The following CFH variants were observed in gnomAD, a reference collection of about 807,000 sequenced individuals.
CFH encodes the protein complement factor H, also known as H factor 1 (complement).
A neutral mutation model predicts 147.3 loss-of-function variants in CFH; 53 were observed. That is an observed-to-expected ratio of 0.36 (90% CI 0.29 to 0.45). The LOEUF is 0.45. Ranked by LOEUF, CFH falls within the 20% of genes least tolerant of loss-of-function variation. The pLI, the probability that CFH is intolerant of heterozygous loss-of-function variation, is 1.00. For synonymous variants in CFH, 536 were observed against 489.4 expected, an observed-to-expected ratio of 1.10 and a Z score of -1.26; for missense variants, 1,380 against 1,498.0, an observed-to-expected ratio of 0.92 and a Z score of 1.30.
chr1:196,738,422 G>A (rs1652661892), intron 17 of CFH, among the ~76,000 whole-genome samples: 2 of 152,210 alleles, frequency 1.3e-5, no homozygotes, highest in Non-Finnish European at 2.9e-5. Context: ...TTATGAGCCT[G>A]TAAAATCAAA....
chr1:196,713,671 C>T, intron 9 of CFH, 64 bp from the exon 10 acceptor site: 3 of 1,054,196 alleles, frequency 2.8e-6, no homozygotes, highest in Non-Finnish European at 4.2e-6. Context: ...TTACATATTA[C>T]TTAAATTCTT....
At chr1:196,718,141 C>T (rs1573058026) in intron 11 of CFH, among the ~76,000 whole-genome samples, 1 of 152,068 alleles carries the variant, frequency 6.6e-6, no homozygotes, top group Non-Finnish European at 1.5e-5. Context: ...AAACACCTAT[C>T]ATAGGACAGG....
In CFH at chr1:196,683,947, T is replaced by C. The variant is rs533665689; in HGVS notation, c.791-1117T>C. 3.3e-5 allele frequency among the ~76,000 whole-genome samples: 5 copies of C among 152,018 alleles called. No individual in the cohort carries two copies. In the East Asian group the frequency reaches 5.8e-4, roughly 18 times the overall value. On this transcript the variant is annotated intron_variant, in intron 6 of 21. Coordinates refer to ENST00000367429, the MANE Select transcript of CFH (RefSeq NM_000186.4). The stretch of plus-strand genomic sequence containing the variant: ...GGGTATATAAATGGATTTCAAGCAA[T>C]GCTGAATGTTTGCCACAGCTTTTTA...
intron 18 of CFH, chr1:196,741,400 G>C: frequency 5.5e-6 from 1 of 180,186 alleles, no homozygotes; most frequent in Non-Finnish European, 1.2e-5. Context: ...GTGAGTGAAG[G>C]AGGAACTTCT....
chr1:196,746,143 T>C, intron 21 of CFH, 144 bp downstream of exon 21: 1 of 1,485,126 alleles, frequency 6.7e-7, no homozygotes, highest in South Asian at 1.2e-5. Flanking sequence ...GAAAGTAAAG[T>C]TTAGAAATTT....
In CFH at chr1:196,741,948, G is replaced by A. The variant is rs1290292015; in HGVS notation, c.3030G>A (p.Ala1010=). The A allele has an allele frequency of 9.3e-6, 15 of 1,614,130 alleles. No individual in the cohort carries two copies. Among genetic ancestry groups the A allele is most frequent in the Middle Eastern group, 1.6e-4 (1 of 6,062 alleles). The change falls in exon 19 of 22, where the codon GCG becomes GCA. Residue 1010 remains alanine, a synonymous_variant. Transcript: ENST00000367429. ...PMGEKKDVYK[A]GEQVTYTCAT... ...GAGAGAAGAAGGATGTGTATAAGGC[G>A]GGTGAGCAAGTGACTTACACTTGTG...
Position 196,695,099 on chromosome 1 carries a change from C to A in CFH, c.1336+4860C>A, listed in dbSNP as rs548292533. On this transcript the variant is annotated intron_variant, in intron 9 of 21. Coordinates refer to ENST00000367429, the MANE Select transcript of CFH (RefSeq NM_000186.4). ...TTGCCCATGCCTATGTCCTGAATAACCTACTGCCTAGGTTTTTTTCTATGG... is the reference window on the plus strand; with the variant it reads ...TTGCCCATGCCTATGTCCTGAATAAACTACTGCCTAGGTTTTTTTCTATGG... Among the ~76,000 whole-genome samples, 57 of 151,716 alleles carry A rather than the reference C, an allele frequency of 3.8e-4. No homozygotes were observed. In the South Asian group the frequency reaches 5.6e-3, roughly 15 times the overall value.
At chr1:196,693,698 T>A (rs534058016) in intron 9 of CFH, among the ~76,000 whole-genome samples, 47 of 152,196 alleles carry the variant, frequency 3.1e-4, no homozygotes, top group South Asian at 1.7e-3. Context: ...AAGAAAGTAT[T>A]CAGGCTCTGG....
At chr1:196,697,688 A>G (rs1001744414) in intron 9 of CFH, among the ~76,000 whole-genome samples, 5 of 152,162 alleles carry the variant, frequency 3.3e-5, no homozygotes, top group African/African-American at 1.2e-4. Context: ...TCATGCTGCT[A>G]TAAAGACACA....
At position 196,745,799 on chromosome 1, in the gene CFH, T is replaced by G. The variant is rs759714951; in HGVS notation, c.3311-18T>G. 1.2e-5 allele frequency: 20 copies of G among 1,614,002 alleles called. No individual in the cohort carries two copies. The South Asian group carries it at 1.5e-4, about 12-fold the overall frequency. On this transcript the variant is annotated intron_variant, in intron 20 of 21. Transcript: ENST00000367429. ...TTTGCTCTCACAACAAATCAAGTGA[T>G]GAAATGATGTTTTTTAGATTCTACA...
At chr1:196,723,126 G>A (rs1210894116) in intron 11 of CFH, among the ~76,000 whole-genome samples, 1 of 152,006 alleles carries the variant, frequency 6.6e-6, no homozygotes, top group Non-Finnish European at 1.5e-5. Flanking sequence ...GATCCTTTGC[G>A]AGTGTTGTAA....
At chr1:196,666,675 G>T (rs1479473097) in intron 1 of CFH, among the ~76,000 whole-genome samples, 1 of 151,608 alleles carries the variant, frequency 6.6e-6, no homozygotes, top group Non-Finnish European at 1.5e-5. Context: ...AGCCGGGCAT[G>T]GTGGCGGGCA....
chr1:196,713,555 G>A (rs1365227275), intron 9 of CFH, among the ~76,000 whole-genome samples, 180 bp from the exon 10 acceptor site: 2 of 152,076 alleles, frequency 1.3e-5, no homozygotes, highest in African/African-American at 4.8e-5. Flanking sequence ...GAAGAGTCTT[G>A]ATGTAATGTC....
intron 11 of CFH, among the ~76,000 whole-genome samples, chr1:196,718,614 T>C (rs960573270): frequency 2.6e-5 from 4 of 152,024 alleles, no homozygotes; most frequent in African/African-American, 4.8e-5. Flanking sequence ...TTCTTTTCTG[T>C]GATGATAGGT....
chr1:196,688,982 T>A (rs768801860), intron 7 of CFH, among the ~76,000 whole-genome samples: 1 of 151,926 alleles, frequency 6.6e-6, no homozygotes, highest in Non-Finnish European at 1.5e-5. Flanking sequence ...TGAATTGTTC[T>A]GAGAAGAAAA....
chr1:196,696,816 A>C (rs897983109), intron 9 of CFH, among the ~76,000 whole-genome samples: 1 of 152,232 alleles, frequency 6.6e-6, no homozygotes, highest in Non-Finnish European at 1.5e-5. Flanking sequence ...GATGCAGACC[A>C]ATGGAACAGA....
At chr1:196,693,991 T>TGTGTGTGTGTG (rs71131721) in intron 9 of CFH, among the ~76,000 whole-genome samples, 3 of 149,932 alleles carry the variant, frequency 2.0e-5, no homozygotes, top group African/African-American at 7.4e-5. Context: ...TGTGTGTGTG[T>TGTGTGTGTGTG]TTTATTATTA....
chr1:196,676,414 G>C (rs80245340), intron 4 of CFH, among the ~76,000 whole-genome samples: 2 of 151,988 alleles, frequency 1.3e-5, no homozygotes, highest in Non-Finnish European at 2.9e-5. Context: ...AACTCACCCA[G>C]TAACCACCCA....
intron 1 of CFH, among the ~76,000 whole-genome samples, chr1:196,667,812 A>G (rs1326620343): frequency 6.6e-6 from 1 of 152,076 alleles, no homozygotes; most frequent in Non-Finnish European, 1.5e-5. Context: ...TACATCATGT[A>G]TTCTAGTTAT....
Sources: allele counts gnomAD v4.1 joint callset (sites outside exome capture counted in the v4.1 genomes callset), GRCh38; gene constraint gnomAD v4.1.1; transcripts MANE v1.5; gene names NCBI Gene and HGNC (gene_info 2026-07-23, HGNC 2026-07-21).